The following TTN variants were observed in gnomAD, a reference collection of about 807,000 sequenced individuals.
The protein encoded by TTN is titin.
A neutral mutation model predicts 3,223.0 loss-of-function variants in TTN; 1,525 were observed. The ratio of observed to expected loss-of-function variants is 0.47; its 90% CI spans 0.45 to 0.49. The LOEUF (loss-of-function observed/expected upper bound fraction) is 0.49, where lower values mean the gene tolerates loss of function less well. Among genes scored for constraint, TTN ranks in the 20% least tolerant of loss-of-function variants. The pLI is 0.00. For synonymous variants in TTN, 14,094 were observed against 15,161.0 expected, an observed-to-expected ratio of 0.93 and a Z score of 5.17; for missense variants, 40,786 against 43,424.0, an observed-to-expected ratio of 0.94 and a Z score of 5.40.
At position 178,652,083 on chromosome 2, in the gene TTN, G is replaced by C. The variant is rs1413783862; in HGVS notation, c.39295+13C>G. ...TTTTTAAAAAACACTAATTTGAATA[G>C]TTTCATTATTACCTTCAGGGGGAGG... On this transcript the variant is annotated intron_variant, in intron 204 of 362. Coordinates refer to ENST00000589042, the MANE Select transcript of TTN (RefSeq NM_001267550.2). 1 of 1,613,266 alleles carries C rather than the reference G, an allele frequency of 6.2e-7. No homozygotes were observed. Among genetic ancestry groups the C allele is most frequent in the Non-Finnish European group, 8.5e-7 (1 of 1,179,642 alleles).
rs397517601 is a variant in TTN, at chr2:178,611,611, C to T, written c.50618G>A (p.Trp16873Ter). Residue 16873 changes from tryptophan (W) to a stop codon, truncating the protein, a stop_gained, in exon 269 of 363, where the codon TGG (tryptophan) becomes TAG (stop). Coordinates refer to ENST00000589042, the MANE Select transcript of TTN (RefSeq NM_001267550.2). LOFTEE classifies it high-confidence loss of function. ...TCCACCATTTTTCTCTGGAGGCTTC[C>T]AAGCAATGGCAATGTGTTTTCTCCC... ...DAGRKHIAIA[W>*]KPPEKNGGSP... 2 of 1,613,000 alleles carry T rather than the reference C, an allele frequency of 1.2e-6. No individual in the cohort carries two copies. The highest frequency in any genetic ancestry group is 1.7e-6 in the Non-Finnish European group (2 of 1,179,336).
chr2:178,797,724 G>C (rs531577160), intron 6 of TTN, among the ~76,000 whole-genome samples: 2 of 152,210 alleles, frequency 1.3e-5, no homozygotes, highest in Admixed American at 1.3e-4. Context: ...TTGAGGAGGA[G>C]AAAGGTCTTA....
Position 178,608,793 on chromosome 2 carries a change from C to T in TTN, c.52218G>A (p.Leu17406=), listed in dbSNP as rs1428026675. ...DGGSEIINYT[L]EKKDKTKPDS... is the part of the protein sequence containing the mutation. ...CGGGTTTTGTCTTGTCTTTCTTTTC[C>T]AAAGTGTAGTTTATGATTTCACTGC... Residue 17406 remains leucine (L), a synonymous_variant, in exon 274 of 363, where the codon TTG becomes TTA. Transcript: ENST00000589042. The T allele has an allele frequency of 6.2e-7, 1 of 1,612,428 alleles. No homozygotes were observed. The highest frequency in any genetic ancestry group is 8.5e-7 in the Non-Finnish European group (1 of 1,179,222).
At chr2:178,660,404 C>A (rs1332506752) in intron 180 of TTN, among the ~76,000 whole-genome samples, 116 of 69,444 alleles carry the variant, frequency 1.7e-3, no homozygotes, top group African/African-American at 6.5e-3. Context: ...CTTTGACAAA[C>A]CTGACAAAAA....
Position 178,705,020 on chromosome 2 carries a change from G to T in TTN, c.29605-54C>A, listed in dbSNP as rs2075627590. On this transcript the variant is annotated intron_variant, in intron 103 of 362. Transcript: ENST00000589042. ...CAGATGAAACAAAATTTGATTTAGA[G>T]GACGCATGACTATATTCAGCTTCCA... is the stretch of plus-strand genomic sequence containing the variant. 4.4e-6 allele frequency: 7 copies of T among 1,599,710 alleles called. 1 individual carries two copies.
chr2:178,533,138 C>T lies in TTN; in HGVS notation c.103477G>A (p.Val34493Ile), dbSNP rs1166346683. 5 of 1,613,882 alleles carry T rather than the reference C, an allele frequency of 3.1e-6. No homozygotes were observed. In the Admixed American group the frequency reaches 5.0e-5, roughly 16 times the overall value. ...MAEILSGTES[V>I]PLTQVAKEAL... is the part of the protein sequence containing the mutation. ...TCTTTAGCTACCTGTGTCAGTGGTA[C>T]ACTTTCAGTTCCAGAAAGAATTTCA... Residue 34493 changes from valine (V) to isoleucine (I), a missense_variant, in exon 358 of 363, where the codon GTA (valine) becomes ATA (isoleucine). Transcript: ENST00000589042.
rs775903390 is a variant in TTN at position 178,583,906 on chromosome 2, T to C, written c.65276A>G (p.Asp21759Gly). The C allele has an allele frequency of 3.2e-6, 5 of 1,554,002 alleles. No homozygotes were observed. In the African/African-American group the frequency reaches 6.8e-5, roughly 21 times the overall value. ...AATAACCTCAGGTTTCCCAGGAGGATCTAAAACAAAAAGAGGTACACTCAC... is the reference window on the plus strand; with the variant it reads ...AATAACCTCAGGTTTCCCAGGAGGACCTAAAACAAAAAGAGGTACACTCAC... ...TEYVTARMPV[D>G]PPGKPEVIDV... The change falls in exon 312 of 363, where the codon GAT becomes GGT. Residue 21759 changes from aspartate to glycine, a missense_variant and splice_region_variant. Asp to Gly is a moderately conservative substitution (Grantham distance 94). Transcript: ENST00000589042.
rs1232702196 is a variant in TTN at position 178,718,845 on chromosome 2, C to T, written c.24355G>A (p.Val8119Met). ...GAGATGTTGCATGACTCCCCAGGCA[C>T]CAGTTCCCTGCTGCCTTTAAACCAC... is the stretch of plus-strand genomic sequence containing the variant. ...VKWFKGSRELVPGESCNISLE... is the reference protein window; with the variant it reads ...VKWFKGSRELMPGESCNISLE... Residue 8119 changes from valine (V) to methionine (M), a missense_variant, in exon 84 of 363, where the codon GTG becomes ATG. Transcript: ENST00000589042. The T allele has an allele frequency of 6.2e-7, 1 of 1,613,690 alleles. No homozygotes were observed. The highest frequency in any genetic ancestry group is 1.7e-5 in the Admixed American group (1 of 60,000).
chr2:178,702,697 T>A (rs1464679258), intron 106 of TTN, 34 bp from the exon 107 acceptor site: 2 of 1,558,842 alleles, frequency 1.3e-6, no homozygotes, highest in Non-Finnish European at 1.7e-6. Flanking sequence ...AAAGTTAGAT[T>A]ATATAGAGAG....
chr2:178,727,520 G>A, intron 68 of TTN, 65 bp downstream of exon 68: 1 of 1,517,324 alleles, frequency 6.6e-7, no homozygotes, highest in Non-Finnish European at 8.8e-7. Flanking sequence ...TAGAGACATT[G>A]TAACTGAATA....
Position 178,534,393 on chromosome 2 carries a change from C to G in TTN, c.102222G>C (p.Lys34074Asn), listed in dbSNP as rs748885900. 1.2e-6 allele frequency: 2 copies of G among 1,610,602 alleles called. No individual in the cohort carries two copies. The highest frequency in any genetic ancestry group is 2.7e-5 in the African/African-American group (2 of 74,914). ...TAGTACTGACTCTTTCTATCTTCTG[C>G]TTCAACCATGGGTGCTGGAGAGCCT... ...ASEALQHPWL[K>N]QKIERVSTKV... is the part of the protein sequence containing the mutation. The change falls in exon 358 of 363, where the codon AAG becomes AAC. Residue 34074 changes from lysine to asparagine, a missense_variant. Transcript: ENST00000589042.
Position 178,725,763 on chromosome 2 carries a change from T to C in TTN, c.20554+5A>G, listed in dbSNP as rs370885390. 9 of 1,583,866 alleles carry C rather than the reference T, an allele frequency of 5.7e-6. No individual in the cohort carries two copies. Among genetic ancestry groups the C allele is most frequent in the Non-Finnish European group, 8.6e-7 (1 of 1,163,444 alleles). Reference sequence around the variant, plus strand: ...ATTTCTGCCATGTGGATGAACTATATTTACCTTTCAATTTTACAGTACAAA... The same window carrying C: ...ATTTCTGCCATGTGGATGAACTATACTTACCTTTCAATTTTACAGTACAAA... On this transcript the variant is annotated splice_donor_5th_base_variant and intron_variant, in intron 70 of 362. Coordinates refer to ENST00000589042, the MANE Select transcript of TTN (RefSeq NM_001267550.2).
chr2:178,577,131 G>T lies in TTN; in HGVS notation c.69204C>A (p.Gly23068=), dbSNP rs188919648. The T allele has an allele frequency of 1.1e-5, 17 of 1,612,886 alleles. No homozygotes were observed. Among genetic ancestry groups the T allele is most frequent in the Admixed American group, 3.3e-5 (2 of 59,904 alleles). The part of the protein sequence containing the change: ...TLTWTPPLED[G]GSPIKSYILE... ...GTATATAGGACTTAATTGGTGAGCC[G>T]CCATCTTCCAAGGGAGGTGTCCATG... The change falls in exon 324 of 363, where the codon GGC becomes GGA. Residue 23068 remains glycine (G), a synonymous_variant. Transcript: ENST00000589042.
At chr2:178,743,321 A>C (rs1243669244) in intron 47 of TTN, among the ~76,000 whole-genome samples, 1 of 152,022 alleles carries the variant, frequency 6.6e-6, no homozygotes, top group Non-Finnish European at 1.5e-5. Flanking sequence ...AATACAATAA[A>C]TTCTTTATCC....
rs768659420 is a variant in TTN, at chr2:178,607,792, T to A, written c.52995A>T (p.Glu17665Asp). 1 of 1,612,930 alleles carries A rather than the reference T, an allele frequency of 6.2e-7. No individual in the cohort carries two copies. The highest frequency in any genetic ancestry group is 8.5e-7 in the Non-Finnish European group (1 of 1,179,304). Reference sequence around the variant, plus strand: ...TCCAATAACGTTAAGTACCTTGTGGTTCAGCCACAGTAACAGGTTGTGTTT... The same window carrying A: ...TCCAATAACGTTAAGTACCTTGTGGATCAGCCACAGTAACAGGTTGTGTTT... Reference protein sequence around the residue: ...PGETQPVTVAEPQEPPAVELD... With the variant: ...PGETQPVTVADPQEPPAVELD... Residue 17665 changes from glutamate (E) to aspartate (D), a missense_variant, in exon 276 of 363, where the codon GAA becomes GAT. Transcript: ENST00000589042.
chr2:178,534,002 C>T lies in TTN; in HGVS notation c.102613G>A (p.Gly34205Ser). The T allele has an allele frequency of 6.2e-7, 1 of 1,613,880 alleles. No homozygotes were observed. Among genetic ancestry groups the T allele is most frequent in the African/African-American group, 1.3e-5 (1 of 75,028 alleles). ...TTGACTACTTTGCATCTGTAGGTAC[C>T]ATCATCTAATTTGGTAATGTCTTTG... ...YVKDITKLDD[G>S]TYRCKVVNDY... Residue 34205 changes from glycine to serine, a missense_variant, in exon 358 of 363, where the codon GGT (glycine) becomes AGT (serine). Coordinates refer to ENST00000589042, the MANE Select transcript of TTN (RefSeq NM_001267550.2).
At chr2:178,767,461 C>A (rs887709928) in intron 40 of TTN, among the ~76,000 whole-genome samples, 2 of 152,224 alleles carry the variant, frequency 1.3e-5, no homozygotes, top group Non-Finnish European at 2.9e-5. Context: ...TCACGATTTA[C>A]ATTTTAATTC....
Position 178,618,657 on chromosome 2 carries a change from G to A in TTN, c.46893C>T (p.Asp15631=). 1 of 1,612,266 alleles carries A rather than the reference G, an allele frequency of 6.2e-7. No homozygotes were observed. The highest frequency in any genetic ancestry group is 8.5e-7 in the Non-Finnish European group (1 of 1,179,012). ...SFRILEAKKG[D]KGRYKIVLQN... The stretch of plus-strand genomic sequence containing the variant: ...GAAGCACAATTTTATACCTCCCTTT[G>A]TCTCCTTTCTTGGCTTCTAAAATTC... Residue 15631 remains aspartate (D), a synonymous_variant, in exon 251 of 363, where the codon GAC becomes GAT. Transcript: ENST00000589042.
In TTN at chr2:178,732,991, T is replaced by C. The variant is rs747055000; in HGVS notation, c.16185A>G (p.Lys5395=). 1.4e-5 allele frequency: 23 copies of C among 1,613,474 alleles called. No homozygotes were observed. The South Asian group carries it at 2.4e-4, about 17-fold the overall frequency. Residue 5395 remains lysine (K), a synonymous_variant, in exon 55 of 363, where the codon AAA becomes AAG. Coordinates refer to ENST00000589042, the MANE Select transcript of TTN (RefSeq NM_001267550.2). ...PMRVSWFKDG[K]EIAASDRYRI... is the part of the protein sequence containing the mutation. ...TGTATCTGTCAGAAGCAGCTATTTCTTTGCCATCCTTAAACCAGGACACCC... is the reference window on the plus strand; with the variant it reads ...TGTATCTGTCAGAAGCAGCTATTTCCTTGCCATCCTTAAACCAGGACACCC...
Sources: gnomAD v4.1 joint callset for allele counts (sites outside exome capture counted in the v4.1 genomes callset) on GRCh38, gnomAD v4.1.1 for gene constraint, MANE v1.5 for transcripts, NCBI Gene and HGNC (gene_info 2026-07-23, HGNC 2026-07-21) for gene names.